The following ATP5F1A variants were observed in gnomAD, a reference collection of about 807,000 sequenced individuals.
The protein encoded by ATP5F1A is ATP synthase F1 subunit alpha.
A neutral mutation model predicts 57.4 loss-of-function variants in ATP5F1A; 24 were observed. The observed-to-expected ratio is 0.42, with a 90% CI of 0.30 to 0.59. ATP5F1A has a LOEUF of 0.59. Ranked by LOEUF, ATP5F1A falls within the 20% of genes least tolerant of loss-of-function variation. ATP5F1A has a pLI of 0.19. For missense variants in ATP5F1A, 494 were observed against 707.9 expected (o/e 0.70, Z 3.43); for synonymous variants, 251 against 255.5 (o/e 0.98, Z 0.17).
chr18:46,091,960 G>A (rs1455230048), intron 2 of ATP5F1A, 109 bp from the exon 3 acceptor site: 4 of 1,079,658 alleles, frequency 3.7e-6, no homozygotes, highest in South Asian at 1.8e-5. Context: ...ATCACCTAAG[G>A]GCAGGAGTTT....
chr18:46,102,846 G>A (rs1911320515), upstream of ATP5F1A, among the ~76,000 whole-genome samples: 1 of 152,152 alleles, frequency 6.6e-6, no homozygotes, highest in Non-Finnish European at 1.5e-5. Context: ...TACTAAGGAG[G>A]CTGAAGCGGG....
chr18:46,096,819 G>A (rs1332973468), intron 1 of ATP5F1A, among the ~76,000 whole-genome samples: 2 of 150,722 alleles, frequency 1.3e-5, no homozygotes, highest in Non-Finnish European at 3.0e-5. Context: ...CCGTCTCTAC[G>A]AAAAACTACA....
At position 46,091,841 on chromosome 18, in the gene ATP5F1A, C is replaced by T. The variant is rs1300581356; in HGVS notation, c.150G>A (p.Glu50=). The T allele has an allele frequency of 1.9e-6, 3 of 1,610,550 alleles. No homozygotes were observed. The highest frequency in any genetic ancestry group is 2.5e-6 in the Non-Finnish European group (3 of 1,179,210). ...NTHLQKTGTA[E]MSSILEERIL... ...TACGCTCTTCAAGAATAGAGGACAT[C>T]TCAGCAGTCCCTATGGAAGACAATT... is the stretch of plus-strand genomic sequence containing the variant. The change falls in exon 3 of 12, where the codon GAG becomes GAA. Residue 50 remains glutamate, a synonymous_variant. Transcript: ENST00000398752.
upstream of ATP5F1A, among the ~76,000 whole-genome samples, chr18:46,102,090 C>T (rs1275300271): frequency 6.6e-6 from 1 of 150,942 alleles, no homozygotes; most frequent in Admixed American, 6.6e-5. Context: ...AGGAGAATGG[C>T]GTGAACCCGG....
chr18:46,090,876 T>C (rs2092806284), intron 3 of ATP5F1A, among the ~76,000 whole-genome samples: 2 of 152,222 alleles, frequency 1.3e-5, no homozygotes, highest in South Asian at 4.1e-4. Context: ...ATATTTCCAA[T>C]ACTACTGGAC....
Position 46,081,233 on chromosome 18 carries a change from T to G in ATP5F1A, c.*3049A>C, listed in dbSNP as rs1480183377. On this transcript the variant is annotated 3_prime_UTR_variant, in exon 12 of 12. Coordinates refer to ENST00000398752, the MANE Select transcript of ATP5F1A (RefSeq NM_004046.6). The stretch of plus-strand genomic sequence containing the variant: ...ACATGGTTGTCTTCATTTGAGAAGT[T>G]TATTGAGCATTTACGTGCCAGGAGT... 1.3e-5 allele frequency: 2 copies of G among 151,144 alleles called. No individual in the cohort carries two copies. 9.4% of individuals were successfully genotyped at this position (151,144 alleles called of 1,614,324 possible).
rs187619660 is a variant in ATP5F1A, at chr18:46,083,645, C to T, written c.*637G>A. 1.3e-5 allele frequency: 2 copies of T among 152,242 alleles called. No homozygotes were observed. The highest frequency in any genetic ancestry group is 3.9e-4 in the East Asian group (2 of 5,176). 9.4% of individuals were successfully genotyped at this position (152,242 alleles called of 1,614,324 possible). A position where few individuals can be genotyped will look rare whatever the true frequency, so the allele number is the denominator to read the frequency against. On this transcript the variant is annotated 3_prime_UTR_variant, in exon 12 of 12. Transcript: ENST00000398752. ...AGTATTGTCAGCCTGCCACATATAT[C>T]CAGTTTAGGAATTTCTCTTAAACAC...
chr18:46,085,901 T>A (rs1599768591), intron 10 of ATP5F1A: 2 of 577,768 alleles, frequency 3.5e-6, no homozygotes, highest in Admixed American at 7.4e-5. Flanking sequence ...CCATTGCACT[T>A]CAGCCTAGGC....
In ATP5F1A at chr18:46,081,673, CAAAAAAAAAAAAAAAAAAA is replaced by C. The variant is rs1159742250; in HGVS notation, c.*2590_*2608del. On this transcript the variant is annotated 3_prime_UTR_variant, in exon 12 of 12. Transcript: ENST00000398752. ...GAGCAAAACTCTCAAAAAAAAAAAA[CAAAAAAAAAAAAAAAAAAA>C]AAAAACGAAATGTGCAGAACCTTCT... is the stretch of plus-strand genomic sequence containing the variant. The C allele has an allele frequency of 2.7e-5, 2 of 75,456 alleles. No individual in the cohort carries two copies. The highest frequency in any genetic ancestry group is 5.4e-5 in the Non-Finnish European group (2 of 36,814). The allele number at this position is 75,456 out of a possible 1,614,324, so 4.7% of individuals were successfully genotyped here.
intron 2 of ATP5F1A, 23 bp from the exon 3 acceptor site, chr18:46,091,874 AT>A (rs2144198699): frequency 6.3e-7 from 1 of 1,597,880 alleles, no homozygotes; most frequent in East Asian, 2.2e-5. Context: ...ATTCAATTCA[AT>A]TAAAAAAATA....
Position 46,081,692 on chromosome 18 carries a change from A to AAAAAAAAAAAAAAAAAAAC in ATP5F1A, c.*2589_*2590insGTTTTTTTTTTTTTTTTTT, listed in dbSNP as rs1568240735. ...AAAAAACAAAAAAAAAAAAAAAAAA[A>AAAAAAAAAAAAAAAAAAAC]AAAAACGAAATGTGCAGAACCTTCT... On this transcript the variant is annotated 3_prime_UTR_variant, in exon 12 of 12. Transcript: ENST00000398752. The AAAAAAAAAAAAAAAAAAAC allele has an allele frequency of 6.9e-6, 1 of 144,448 alleles. No individual in the cohort carries two copies. The highest frequency in any genetic ancestry group is 1.5e-5 in the Non-Finnish European group (1 of 65,358). The allele number at this position is 144,448 out of a possible 1,614,324, so 8.9% of individuals were successfully genotyped here. A position where few individuals can be genotyped will look rare whatever the true frequency, so the allele number is the denominator to read the frequency against.
At chr18:46,095,194 T>A in intron 1 of ATP5F1A, 63 bp from the exon 2 acceptor site, 1 of 1,488,122 alleles carries the variant, frequency 6.7e-7, no homozygotes, top group Non-Finnish European at 9.3e-7. Flanking sequence ...CTTACAAGCT[T>A]AAACAAATGC....
At chr18:46,089,181 G>A (rs528576466) in intron 5 of ATP5F1A, among the ~76,000 whole-genome samples, 2 of 151,954 alleles carry the variant, frequency 1.3e-5, no homozygotes, top group Non-Finnish European at 2.9e-5. Context: ...GCTGAGCGCC[G>A]TTCCCCTGGG....
At chr18:46,092,899 G>GCAC (rs1303419500) in intron 2 of ATP5F1A, among the ~76,000 whole-genome samples, 2 of 152,088 alleles carry the variant, frequency 1.3e-5, no homozygotes, top group Non-Finnish European at 2.9e-5. Flanking sequence ...TGTAAAACCA[G>GCAC]CACTTTGGGA....
At chr18:46,086,952 T>G (rs1910145750) in intron 8 of ATP5F1A, 56 bp downstream of exon 8, 1 of 1,561,170 alleles carries the variant, frequency 6.4e-7, no homozygotes, top group East Asian at 2.3e-5. Context: ...TCTCAACCAA[T>G]GCCTTAGAAT....
intron 2 of ATP5F1A, among the ~76,000 whole-genome samples, chr18:46,093,960 A>T (rs1910749152): frequency 6.6e-6 from 1 of 151,904 alleles, no homozygotes; most frequent in Non-Finnish European, 1.5e-5. Flanking sequence ...TACAAAAATT[A>T]GCTGGGTGTG....
Position 46,096,109 on chromosome 18 carries a change from G to A in ATP5F1A, c.61-978C>T, listed in dbSNP as rs148381010. ...TCGCCATGTTGGCCAGGTTGATCTC[G>A]AACTCCTGACTTCAGGTGATGCACC... On this transcript the variant is annotated intron_variant, in intron 1 of 11. Coordinates refer to ENST00000398752, the MANE Select transcript of ATP5F1A (RefSeq NM_004046.6). 6.6e-3 allele frequency among the ~76,000 whole-genome samples: 1,003 copies of A among 152,058 alleles called. 7 individuals are homozygous for A. Among genetic ancestry groups the A allele is most frequent in the African/African-American group, 0.023 (936 of 41,510 alleles).
Position 46,084,535 on chromosome 18 carries a change from TGAC to T in ATP5F1A, c.1546_1548del (p.Val516del). The T allele has an allele frequency of 1.2e-6, 2 of 1,607,184 alleles. No individual in the cohort carries two copies. Among genetic ancestry groups the T allele is most frequent in the South Asian group, 1.1e-5 (1 of 89,186 alleles). ...GTGCCCAACAAGGCTTGGTGCTGGC[TGAC>T]GACATGAGACAAGAAAGCATTCTCA... is the stretch of plus-strand genomic sequence containing the variant. On this transcript the variant is annotated inframe_deletion, in exon 11 of 12. Coordinates refer to ENST00000398752, the MANE Select transcript of ATP5F1A (RefSeq NM_004046.6).
chr18:46,088,056 C>A (rs1568246404), intron 6 of ATP5F1A, 53 bp downstream of exon 6: 2 of 1,562,316 alleles, frequency 1.3e-6, no homozygotes, highest in South Asian at 1.2e-5. Flanking sequence ...ATTCTACAAT[C>A]AGCAGCAATG....
Sources: gnomAD v4.1 joint callset for allele counts (sites outside exome capture counted in the v4.1 genomes callset) on GRCh38, gnomAD v4.1.1 for gene constraint, MANE v1.5 for transcripts, NCBI Gene and HGNC (gene_info 2026-07-23, HGNC 2026-07-21) for gene names.